Variants in DENND5B observed in about 807,000 individuals in gnomAD.
The protein encoded by DENND5B is DENN domain-containing protein 5B.
In DENND5B, 34 loss-of-function variants were observed where a neutral mutation model predicts 140.6. The observed-to-expected ratio is 0.24, with a 90% CI of 0.18 to 0.32. The LOEUF (loss-of-function observed/expected upper bound fraction) is 0.32. DENND5B is among the 10% of genes least tolerant of loss of function. The pLI, the probability that DENND5B is intolerant of heterozygous loss-of-function variation, is 1.00. For missense variants in DENND5B, 1,142 were observed against 1,560.2 expected (o/e 0.73, Z 4.52); for synonymous variants, 551 against 562.1 (o/e 0.98, Z 0.28).
intron 1 of DENND5B, among the ~76,000 whole-genome samples, chr12:31,582,600 C>A (rs1950241600): frequency 6.6e-6 from 1 of 152,096 alleles, no homozygotes; most frequent in African/African-American, 2.4e-5. Flanking sequence ...GCAAAAATAT[C>A]ATTAAATATA....
intron 1 of DENND5B, among the ~76,000 whole-genome samples, chr12:31,578,797 C>G (rs1950109553): frequency 6.6e-6 from 1 of 152,166 alleles, no homozygotes; most frequent in Non-Finnish European, 1.5e-5. Flanking sequence ...GGAAAAAAGG[C>G]TAGTTTGCAG....
At chr12:31,497,988 G>T in intron 1 of DENND5B, among the ~76,000 whole-genome samples, 1 of 150,738 alleles carries the variant, frequency 6.6e-6, no homozygotes, top group East Asian at 2.0e-4. Context: ...AGAGAGGAAA[G>T]AAAGGAAAAG....
At chr12:31,568,743 A>G (rs1949714774) in intron 1 of DENND5B, among the ~76,000 whole-genome samples, 1 of 152,160 alleles carries the variant, frequency 6.6e-6, no homozygotes, top group Non-Finnish European at 1.5e-5. Context: ...TACACCCTGA[A>G]CACATGCCCC....
At chr12:31,443,227 C>T (rs1944124669) in intron 6 of DENND5B, among the ~76,000 whole-genome samples, 1 of 152,166 alleles carries the variant, frequency 6.6e-6, no homozygotes, top group Non-Finnish European at 1.5e-5. Flanking sequence ...AGGCATGTAC[C>T]ACCAGTTCCA....
intron 1 of DENND5B, among the ~76,000 whole-genome samples, chr12:31,547,675 G>GT (rs1565683878): frequency 6.6e-6 from 1 of 152,002 alleles, no homozygotes; most frequent in Non-Finnish European, 1.5e-5. Flanking sequence ...GATTACAGGC[G>GT]TAAACCACTG....
chr12:31,441,682 A>G (rs1224015343), intron 7 of DENND5B, among the ~76,000 whole-genome samples: 1 of 151,888 alleles, frequency 6.6e-6, no homozygotes, highest in African/African-American at 2.4e-5. Flanking sequence ...TTTTTAATCC[A>G]CAATTCTTTT....
At chr12:31,459,122 G>A (rs1944904684) in intron 4 of DENND5B, among the ~76,000 whole-genome samples, 1 of 151,558 alleles carries the variant, frequency 6.6e-6, no homozygotes, top group Admixed American at 6.6e-5. Context: ...CGAGGCAGGA[G>A]AATCACTTAA....
At chr12:31,563,716 CAA>C (rs1949545812) in intron 1 of DENND5B, among the ~76,000 whole-genome samples, 4 of 152,136 alleles carry the variant, frequency 2.6e-5, no homozygotes, top group African/African-American at 7.2e-5. Context: ...TAAATGATTT[CAA>C]GAGATCTCTT....
intron 1 of DENND5B, among the ~76,000 whole-genome samples, chr12:31,552,191 G>A (rs948013931): frequency 3.3e-5 from 5 of 152,136 alleles, no homozygotes; most frequent in African/African-American, 1.2e-4. Flanking sequence ...GTATGATATT[G>A]GCTGTGGGTT....
rs1280496087 is a variant in DENND5B at position 31,425,662 on chromosome 12, C to T, written c.2238+631G>A. On this transcript the variant is annotated intron_variant, in intron 9 of 20. Transcript: ENST00000389082. ...AAATGTAAAATGAGAGAGAATCTAG[C>T]TCTTTTAGGCAAGAACTTTAATTCA... Among the ~76,000 whole-genome samples the T allele has an allele frequency of 2.0e-5, 3 of 152,328 alleles. No homozygotes were observed. In the East Asian group the frequency reaches 5.8e-4, roughly 29 times the overall value.
At chr12:31,408,931 G>A (rs976565549) in intron 14 of DENND5B, among the ~76,000 whole-genome samples, 4 of 152,262 alleles carry the variant, frequency 2.6e-5, no homozygotes, top group East Asian at 1.9e-4. Context: ...GTTAAGCTTC[G>A]ATGCAGTCTC....
intron 4 of DENND5B, among the ~76,000 whole-genome samples, chr12:31,455,724 A>G (rs1287039899): frequency 6.6e-6 from 1 of 152,204 alleles, no homozygotes; most frequent in Non-Finnish European, 1.5e-5. Flanking sequence ...ACTTCCTATT[A>G]AAAACAACAA....
chr12:31,563,057 T>C (rs991953290), intron 1 of DENND5B, among the ~76,000 whole-genome samples: 9 of 152,190 alleles, frequency 5.9e-5, no homozygotes, highest in African/African-American at 2.2e-4. Flanking sequence ...GTCTACAAAC[T>C]TTTTGTTTAA....
intron 17 of DENND5B, among the ~76,000 whole-genome samples, chr12:31,396,233 C>A (rs570117530): frequency 7.9e-5 from 12 of 151,974 alleles, no homozygotes; most frequent in African/African-American, 2.9e-4. Flanking sequence ...CCATGCCCAG[C>A]TAATTTTTGT....
rs560273546 is a variant in DENND5B, at chr12:31,419,430, G to A, written c.2471-3982C>T. ...TGCATCCAGTCTTGGCAACAAGAGC[G>A]AGCGAAACTCCATCTCCAAAAAAAA... is the stretch of plus-strand genomic sequence containing the variant. On this transcript the variant is annotated intron_variant, in intron 11 of 20. Transcript: ENST00000389082. Among the ~76,000 whole-genome samples, 79 of 150,106 alleles carry A rather than the reference G, an allele frequency of 5.3e-4. No homozygotes were observed. The South Asian group carries it at 8.2e-3, about 16-fold the overall frequency.
chr12:31,407,625 A>AT (rs1942204404), intron 14 of DENND5B, among the ~76,000 whole-genome samples: 1 of 152,094 alleles, frequency 6.6e-6, no homozygotes, highest in African/African-American at 2.4e-5. Context: ...ATTTATTGAG[A>AT]TTTTTTGGAA....
chr12:31,458,003 C>T (rs1944858924), intron 4 of DENND5B, among the ~76,000 whole-genome samples: 2 of 152,214 alleles, frequency 1.3e-5, no homozygotes, highest in South Asian at 4.2e-4. Context: ...CGTGAGCCAC[C>T]ACGCCCAGCC....
chr12:31,499,607 T>G (rs1363538568), intron 1 of DENND5B: 15 of 1,493,304 alleles, frequency 1.0e-5, no homozygotes, highest in Non-Finnish European at 1.2e-5. Context: ...TATTTTTACC[T>G]GAAGTCGTAT....
At chr12:31,417,423 A>G (rs1442168991) in intron 11 of DENND5B, among the ~76,000 whole-genome samples, 1 of 151,984 alleles carries the variant, frequency 6.6e-6, no homozygotes, top group African/African-American at 2.4e-5. Context: ...TTTCTACCTT[A>G]AAGTTCAGAG....
Sources: gnomAD v4.1 joint callset for allele counts (sites outside exome capture counted in the v4.1 genomes callset) on GRCh38, gnomAD v4.1.1 for gene constraint, MANE v1.5 for transcripts, NCBI Gene and HGNC (gene_info 2026-07-23, HGNC 2026-07-21) for gene names.